PACSIN2: variants seen among roughly 807,000 people sequenced by gnomAD.
PACSIN2 encodes protein kinase C and casein kinase substrate in neurons 2, also known as protein kinase C and casein kinase substrate in neurons protein 2.
Under a neutral mutation model 63.8 loss-of-function variants are expected in PACSIN2, and 25 were observed. That is an observed-to-expected ratio of 0.39 (90% CI 0.29 to 0.55). PACSIN2 has a LOEUF of 0.55. Among genes scored for constraint, PACSIN2 ranks in the 20% least tolerant of loss-of-function variants. The probability of loss-of-function intolerance (pLI) is 0.62; values close to 1 mark genes in which losing one functional copy is unlikely to be tolerated. For synonymous variants in PACSIN2, 255 were observed against 256.2 expected (o/e 1.00, Z 0.05); for missense variants, 518 against 646.9 (o/e 0.80, Z 2.16).
At chr22:42,875,682 C>T (rs1928561609) in intron 10 of PACSIN2, among the ~76,000 whole-genome samples, 1 of 152,092 alleles carries the variant, frequency 6.6e-6, no homozygotes, top group African/African-American at 2.4e-5. Context: ...ATTATAGATG[C>T]CCCGCCACAC....
chr22:42,921,372 G>GAA (rs66480466), intron 1 of PACSIN2, among the ~76,000 whole-genome samples: 2 of 125,032 alleles, frequency 1.6e-5, no homozygotes. Flanking sequence ...AAAGAAAAAA[G>GAA]AAAAAAAAAA....
intron 1 of PACSIN2, among the ~76,000 whole-genome samples, chr22:42,951,475 C>T (rs1325992919): frequency 6.6e-6 from 1 of 152,190 alleles, no homozygotes; most frequent in Non-Finnish European, 1.5e-5. Context: ...CCAGATCCGG[C>T]ATGGCCCGAG....
intron 1 of PACSIN2, among the ~76,000 whole-genome samples, chr22:42,962,424 G>C (rs1232283534): frequency 2.0e-5 from 3 of 152,198 alleles, no homozygotes; most frequent in African/African-American, 7.2e-5. Context: ...GCTGGCGCAA[G>C]GAGAGCCAGC....
intron 1 of PACSIN2, among the ~76,000 whole-genome samples, chr22:42,915,205 A>G (rs1277150649): frequency 6.6e-6 from 1 of 152,168 alleles, no homozygotes; most frequent in Admixed American, 6.5e-5. Flanking sequence ...GGAGCCAAGG[A>G]GAGGCTCAGC....
chr22:42,903,631 C>T (rs1165785695), intron 2 of PACSIN2, among the ~76,000 whole-genome samples: 1 of 152,186 alleles, frequency 6.6e-6, no homozygotes, highest in Admixed American at 6.5e-5. Context: ...TTCCACACTT[C>T]GGTGCTGCCT....
chr22:42,985,309 T>C lies in PACSIN2; in HGVS notation c.-78+29712A>G, dbSNP rs142340923. On this transcript the variant is annotated intron_variant, in intron 1 of 10. Transcript: ENST00000263246. Reference sequence around the variant, plus strand: ...ATCACCGCACTCCAGCACTCCAGCTTTGGCGACAGAGCGAGACTCCATCAG... The same window carrying C: ...ATCACCGCACTCCAGCACTCCAGCTCTGGCGACAGAGCGAGACTCCATCAG... 9.0e-3 allele frequency among the ~76,000 whole-genome samples: 1,378 copies of C among 152,338 alleles called. 50 individuals carry two copies. Among genetic ancestry groups the C allele is most frequent in the Admixed American group, 0.081 (1,241 of 15,302 alleles).
chr22:42,979,135 T>C (rs4820499), intron 1 of PACSIN2, among the ~76,000 whole-genome samples: 53,384 of 152,006 alleles, frequency 0.35, 10,813 homozygotes, highest in Non-Finnish European at 0.46. Context: ...GGCTGAGACA[T>C]AGAAACTTCA....
chr22:42,893,672 G>T, intron 2 of PACSIN2, 59 bp from the exon 3 acceptor site: 1 of 1,558,068 alleles, frequency 6.4e-7, no homozygotes, highest in Non-Finnish European at 8.8e-7. Flanking sequence ...CTTGGCTGTG[G>T]CACAAATGGC....
At chr22:42,908,640 G>C (rs1279569039) in intron 2 of PACSIN2, among the ~76,000 whole-genome samples, 1 of 152,154 alleles carries the variant, frequency 6.6e-6, no homozygotes, top group Non-Finnish European at 1.5e-5. Context: ...CCCACCTGGG[G>C]AACTGCCTCC....
chr22:42,964,281 G>A (rs1351215917), intron 1 of PACSIN2, among the ~76,000 whole-genome samples: 1 of 152,160 alleles, frequency 6.6e-6, no homozygotes, highest in African/African-American at 2.4e-5. Context: ...AGCTGGGCAT[G>A]GTGGCACATG....
chr22:42,967,812 C>T (rs1920984629), intron 1 of PACSIN2, among the ~76,000 whole-genome samples: 2 of 152,158 alleles, frequency 1.3e-5, no homozygotes, highest in Non-Finnish European at 2.9e-5. Context: ...GGCATGAACC[C>T]GGGAGGCAGA....
intron 1 of PACSIN2, among the ~76,000 whole-genome samples, chr22:43,014,257 C>G (rs1924697078): frequency 6.6e-6 from 1 of 151,640 alleles, no homozygotes; most frequent in South Asian, 2.1e-4. Context: ...CAAACCTCCC[C>G]GGCCTCTCCT....
intron 2 of PACSIN2, among the ~76,000 whole-genome samples, chr22:42,896,609 T>G (rs1160661936): frequency 6.6e-6 from 1 of 152,238 alleles, no homozygotes; most frequent in African/African-American, 2.4e-5. Flanking sequence ...ATTGGTCTTT[T>G]GTGGGGACAT....
At chr22:42,978,427 G>A (rs372421267) in intron 1 of PACSIN2, among the ~76,000 whole-genome samples, 2 of 152,096 alleles carry the variant, frequency 1.3e-5, no homozygotes, top group African/African-American at 2.4e-5. Flanking sequence ...ATCAGTCTTC[G>A]TTTACACGCA....
intron 1 of PACSIN2, among the ~76,000 whole-genome samples, chr22:42,969,951 C>A (rs549713272): frequency 7.6e-4 from 114 of 150,598 alleles, no homozygotes; most frequent in African/African-American, 2.7e-3. Context: ...ACTAGAATGA[C>A]CCCCCGTTTC....
chr22:42,958,447 C>T (rs779927774), intron 1 of PACSIN2, among the ~76,000 whole-genome samples: 9 of 152,200 alleles, frequency 5.9e-5, no homozygotes, highest in Non-Finnish European at 1.2e-4. Context: ...TACTTATTGG[C>T]ATAAATCTCA....
intron 1 of PACSIN2, among the ~76,000 whole-genome samples, chr22:42,943,067 T>C (rs1601556363): frequency 6.6e-6 from 1 of 152,370 alleles, no homozygotes; most frequent in East Asian, 1.9e-4. Context: ...TTTAAATTTA[T>C]TTCAACAATG....
intron 1 of PACSIN2, among the ~76,000 whole-genome samples, chr22:42,919,060 GC>G (rs1228538423): frequency 1.3e-5 from 2 of 152,174 alleles, no homozygotes; most frequent in Non-Finnish European, 2.9e-5. Flanking sequence ...TATGGGACAA[GC>G]TGCTCTTTAA....
chr22:42,967,485 T>A (rs534294226), intron 1 of PACSIN2, among the ~76,000 whole-genome samples: 58 of 152,302 alleles, frequency 3.8e-4, no homozygotes, highest in Middle Eastern at 3.4e-3. Context: ...CCAGAATCAA[T>A]GAAAAGCCTT....
Sources: allele counts gnomAD v4.1 joint callset (sites outside exome capture counted in the v4.1 genomes callset), GRCh38; gene constraint gnomAD v4.1.1; transcripts MANE v1.5; gene names NCBI Gene and HGNC (gene_info 2026-07-23, HGNC 2026-07-21).